DLC1: variants seen among roughly 807,000 people sequenced by gnomAD.
The protein encoded by DLC1 is DLC1 Rho GTPase activating protein, also known as rho GTPase-activating protein 7.
Under a neutral mutation model 140.3 loss-of-function variants are expected in DLC1, and 54 were observed. That is an observed-to-expected ratio of 0.38 (90% CI 0.31 to 0.48). The LOEUF is 0.48. Among genes scored for constraint, DLC1 ranks in the 20% least tolerant of loss-of-function variants. The pLI is 0.96. For missense variants in DLC1, 2,536 were observed against 1,907.0 expected (o/e 1.33, Z -6.14); for synonymous variants, 986 against 728.1 (o/e 1.35, Z -5.70).
intron 5 of DLC1, among the ~76,000 whole-genome samples, chr8:13,126,849 C>A (rs1821625179): frequency 6.6e-6 from 1 of 152,166 alleles, no homozygotes. Context: ...CAAATTGCAA[C>A]ACTGTAAAAC....
At chr8:13,334,209 AGAG>A (rs763782710) in intron 4 of DLC1, among the ~76,000 whole-genome samples, 1 of 152,054 alleles carries the variant, frequency 6.6e-6, no homozygotes, top group Non-Finnish European at 1.5e-5. Flanking sequence ...GCAGTGACAC[AGAG>A]GAGAGAAGCA....
chr8:13,180,417 T>G (rs558560416), intron 5 of DLC1, among the ~76,000 whole-genome samples: 1 of 152,202 alleles, frequency 6.6e-6, no homozygotes, highest in Non-Finnish European at 1.5e-5. Flanking sequence ...TCTTTAGTAC[T>G]CTAAGTTCAT....
chr8:13,418,530 A>T (rs1016210705), intron 2 of DLC1, among the ~76,000 whole-genome samples: 1 of 152,000 alleles, frequency 6.6e-6, no homozygotes, highest in African/African-American at 2.4e-5. Flanking sequence ...GTTGTAGATA[A>T]GCAGCGTTAT....
chr8:13,195,738 G>A (rs1050264775), intron 5 of DLC1, among the ~76,000 whole-genome samples: 13 of 152,184 alleles, frequency 8.5e-5, no homozygotes, highest in African/African-American at 1.2e-4. Context: ...ACATTACCAA[G>A]TAACATGCCC....
At chr8:13,121,020 T>C (rs1821013195) in intron 5 of DLC1, among the ~76,000 whole-genome samples, 1 of 152,224 alleles carries the variant, frequency 6.6e-6, no homozygotes, top group Admixed American at 6.5e-5. Flanking sequence ...GGGGGAACTT[T>C]TGGATTTCCT....
chr8:13,319,317 A>G (rs1263304468), intron 4 of DLC1, among the ~76,000 whole-genome samples: 1 of 152,120 alleles, frequency 6.6e-6, no homozygotes, highest in Non-Finnish European at 1.5e-5. Context: ...CCCGCCCTCC[A>G]CTGGCAAAGA....
At chr8:13,248,463 G>A (rs572492356) in intron 5 of DLC1, among the ~76,000 whole-genome samples, 1 of 152,194 alleles carries the variant, frequency 6.6e-6, no homozygotes, top group East Asian at 1.9e-4. Flanking sequence ...AAGTGAGGCC[G>A]TCAAGTTCAT....
intron 2 of DLC1, among the ~76,000 whole-genome samples, chr8:13,413,684 G>T (rs2117310422): frequency 6.6e-6 from 1 of 152,054 alleles, no homozygotes; most frequent in African/African-American, 2.4e-5. Flanking sequence ...CTTCTCACAC[G>T]ATCTGATGGT....
intron 2 of DLC1, among the ~76,000 whole-genome samples, chr8:13,409,299 G>A (rs1022727595): frequency 6.6e-6 from 1 of 151,934 alleles, no homozygotes; most frequent in Non-Finnish European, 1.5e-5. Context: ...GATTCTTTAT[G>A]CTATCTGATA....
rs1800068872 is a variant in DLC1, at chr8:13,468,810, GCTTTTTT to G, written c.1023+30232_1023+30238del. ...TGTTGATTCTCCCAATTTTATGTCTGCTTTTTTTTTTTTTTTTTTTTTTTTTTTTAAG... is the reference window on the plus strand; with the variant it reads ...TGTTGATTCTCCCAATTTTATGTCTGTTTTTTTTTTTTTTTTTTTTTTAAG... On this transcript the variant is annotated intron_variant, in intron 2 of 17. Coordinates refer to ENST00000276297, the MANE Select transcript of DLC1 (RefSeq NM_182643.3). Among the ~76,000 whole-genome samples, 2 of 78,502 alleles carry G rather than the reference GCTTTTTT, an allele frequency of 2.5e-5. 1 individual carries two copies. The highest frequency in any genetic ancestry group is 4.9e-5 in the Non-Finnish European group (2 of 40,410). The allele number at this position is 78,502 out of a possible 152,430, so 51.5% of individuals were successfully genotyped here.
chr8:13,407,763 C>T (rs556520729), intron 2 of DLC1, among the ~76,000 whole-genome samples: 3 of 152,172 alleles, frequency 2.0e-5, no homozygotes, highest in Non-Finnish European at 4.4e-5. Context: ...ATGTGTGTTA[C>T]TGGTTATTCT....
At chr8:13,560,994 G>A (rs143147239) in intron 1 of DLC1, among the ~76,000 whole-genome samples, 2 of 152,034 alleles carry the variant, frequency 1.3e-5, no homozygotes, top group Non-Finnish European at 2.9e-5. Context: ...TAAAAAAATT[G>A]TTGGTTAAAA....
chr8:13,247,194 A>T (rs899259576), intron 5 of DLC1, among the ~76,000 whole-genome samples: 3 of 152,250 alleles, frequency 2.0e-5, no homozygotes, highest in African/African-American at 4.8e-5. Flanking sequence ...TTGGATGCCA[A>T]GTAAAAGTCA....
At chr8:13,546,994 A>G (rs1218837477) in intron 1 of DLC1, among the ~76,000 whole-genome samples, 2 of 152,136 alleles carry the variant, frequency 1.3e-5, no homozygotes, top group Non-Finnish European at 2.9e-5. Context: ...TTTAATTACA[A>G]TCATATGTTA....
chr8:13,101,674 G>A (rs912546621), intron 8 of DLC1, among the ~76,000 whole-genome samples: 1 of 152,096 alleles, frequency 6.6e-6, no homozygotes, highest in East Asian at 1.9e-4. Context: ...AAGACATGAA[G>A]GCTAGCGCTC....
chr8:13,503,159 C>T (rs999973248), intron 1 of DLC1, among the ~76,000 whole-genome samples: 1 of 152,152 alleles, frequency 6.6e-6, no homozygotes, highest in Non-Finnish European at 1.5e-5. Context: ...AATCCCAGCA[C>T]TTTGGGAGGC....
Position 13,168,360 on chromosome 8 carries a change from C to T in DLC1, c.1349-52703G>A, listed in dbSNP as rs186862541. ...CAGAGCTCTAGGTCTGTATCTAGAT[C>T]TCGTTCCAGTTGTACTTCAGTTCCT... On this transcript the variant is annotated intron_variant, in intron 5 of 17. Transcript: ENST00000276297. 2.4e-3 allele frequency among the ~76,000 whole-genome samples: 360 copies of T among 152,264 alleles called. 2 individuals are homozygous for T. The highest frequency in any genetic ancestry group is 0.017 in the Middle Eastern group (5 of 294).
At chr8:13,307,169 A>C (rs1586106354) in intron 4 of DLC1, among the ~76,000 whole-genome samples, 1 of 151,624 alleles carries the variant, frequency 6.6e-6, no homozygotes, top group South Asian at 2.1e-4. Context: ...TTTTGACTCA[A>C]TCTCAATCTA....
chr8:13,490,349 T>G (rs938503823), intron 2 of DLC1, among the ~76,000 whole-genome samples: 5 of 152,234 alleles, frequency 3.3e-5, no homozygotes, highest in Non-Finnish European at 5.9e-5. Flanking sequence ...TTACTTATAT[T>G]TCCTTTGAAA....
Sources: allele counts gnomAD v4.1 joint callset (sites outside exome capture counted in the v4.1 genomes callset), GRCh38; gene constraint gnomAD v4.1.1; transcripts MANE v1.5; gene names NCBI Gene and HGNC (gene_info 2026-07-23, HGNC 2026-07-21).